VEPH1: variants seen among roughly 807,000 people sequenced by gnomAD.
VEPH1 encodes ventricular zone-expressed PH domain-containing protein homolog 1.
Under a neutral mutation model 85.2 loss-of-function variants are expected in VEPH1, and 80 were observed. That is an observed-to-expected ratio of 0.94 (90% CI 0.78 to 1.13). The LOEUF (loss-of-function observed/expected upper bound fraction) is 1.13. VEPH1 is among the 50% of genes most tolerant of loss of function. The pLI, the probability that VEPH1 is intolerant of heterozygous loss-of-function variation, is 0.00. For synonymous variants in VEPH1, 297 were observed against 348.0 expected (o/e 0.85, Z 1.63); for missense variants, 955 against 980.5 (o/e 0.97, Z 0.35).
At chr3:157,437,464 C>G in intron 4 of VEPH1, 3 of 1,565,568 alleles carry the variant, frequency 1.9e-6, no homozygotes, top group South Asian at 2.3e-5. Flanking sequence ...AAAGCACATC[C>G]AAGGCAGGCC....
chr3:157,432,460 A>G (rs906784205), intron 4 of VEPH1, among the ~76,000 whole-genome samples: 6 of 152,096 alleles, frequency 3.9e-5, no homozygotes, highest in East Asian at 1.9e-4. Context: ...GTTGTCTTCA[A>G]TCTGTCTGGA....
At position 157,369,192 on chromosome 3, in the gene VEPH1, A is replaced by AAC. The variant is rs1170711720; in HGVS notation, c.1128-4681_1128-4680insGT. ...ACAAAAACCAAATGAAAAAAAAAAA[A>AAC]AAAAAAAAAAAACCTCCTGAGGTCT... On this transcript the variant is annotated intron_variant, in intron 7 of 13. Transcript: ENST00000362010. Among the ~76,000 whole-genome samples, 9 of 142,782 alleles carry AAC rather than the reference A, an allele frequency of 6.3e-5. No homozygotes were observed. The South Asian group carries it at 7.3e-4, about 12-fold the overall frequency. The allele number at this position is 142,782 out of a possible 152,430, so 93.7% of individuals were successfully genotyped here.
intron 11 of VEPH1, among the ~76,000 whole-genome samples, chr3:157,303,200 T>G (rs1356238110): frequency 6.6e-6 from 1 of 152,214 alleles, no homozygotes; most frequent in East Asian, 1.9e-4. Flanking sequence ...TGCAAATTGT[T>G]CTCATTGCCA....
chr3:157,360,178 G>T (rs369554044), intron 9 of VEPH1, among the ~76,000 whole-genome samples: 1 of 152,250 alleles, frequency 6.6e-6, no homozygotes. Flanking sequence ...ATGACTGCTG[G>T]TGTGTCACTG....
intron 13 of VEPH1, among the ~76,000 whole-genome samples, chr3:157,263,463 T>A (rs1364724537): frequency 6.6e-6 from 1 of 152,162 alleles, no homozygotes; most frequent in Non-Finnish European, 1.5e-5. Flanking sequence ...TCTTAAGGGA[T>A]CTGGAAAATT....
intron 4 of VEPH1, among the ~76,000 whole-genome samples, chr3:157,454,096 TCTGA>T (rs1300798718): frequency 6.6e-6 from 1 of 152,146 alleles, no homozygotes; most frequent in South Asian, 2.1e-4. Flanking sequence ...TATTTGCAAG[TCTGA>T]CTATCATGGT....
At chr3:157,495,115 C>G in intron 2 of VEPH1, 97 bp downstream of exon 2, 1 of 1,275,718 alleles carries the variant, frequency 7.8e-7, no homozygotes, top group African/African-American at 1.5e-5. Flanking sequence ...GGTATTTCCT[C>G]TTTCCCCTGC....
At chr3:157,360,329 A>T (rs1378237794) in intron 9 of VEPH1, among the ~76,000 whole-genome samples, 1 of 152,206 alleles carries the variant, frequency 6.6e-6, no homozygotes, top group African/African-American at 2.4e-5. Flanking sequence ...TTGCCCAGGA[A>T]ATTCCGAGAG....
At chr3:157,420,803 G>T (rs1030568992) in intron 5 of VEPH1, among the ~76,000 whole-genome samples, 1 of 152,182 alleles carries the variant, frequency 6.6e-6, no homozygotes, top group Non-Finnish European at 1.5e-5. Flanking sequence ...TCACCGGAAG[G>T]CTTCCCTTGC....
chr3:157,333,249 C>T (rs1282765353), intron 9 of VEPH1, among the ~76,000 whole-genome samples: 1 of 152,138 alleles, frequency 6.6e-6, no homozygotes, highest in Non-Finnish European at 1.5e-5. Flanking sequence ...ATGCACCTTC[C>T]AATAAGTGAT....
At chr3:157,397,592 T>G (rs917406828) in intron 6 of VEPH1, among the ~76,000 whole-genome samples, 1 of 152,222 alleles carries the variant, frequency 6.6e-6, no homozygotes, top group Non-Finnish European at 1.5e-5. Flanking sequence ...CTCTCTGATT[T>G]CCTTGAACAG....
intron 6 of VEPH1, among the ~76,000 whole-genome samples, chr3:157,386,772 G>A (rs769248491): frequency 6.6e-6 from 1 of 152,198 alleles, no homozygotes; most frequent in Non-Finnish European, 1.5e-5. Flanking sequence ...ATATGACTAC[G>A]AGTACAGTGT....
chr3:157,405,426 G>C (rs542126072), intron 6 of VEPH1, among the ~76,000 whole-genome samples: 4 of 152,166 alleles, frequency 2.6e-5, no homozygotes, highest in Non-Finnish European at 4.4e-5. Flanking sequence ...CACTATGAAG[G>C]GAAATAAAGT....
At chr3:157,369,753 A>G (rs961000937) in intron 7 of VEPH1, among the ~76,000 whole-genome samples, 2 of 152,212 alleles carry the variant, frequency 1.3e-5, no homozygotes, top group Non-Finnish European at 2.9e-5. Flanking sequence ...TTTAATATAA[A>G]AAGATAGAAG....
chr3:157,417,872 T>C (rs756056747), intron 5 of VEPH1, among the ~76,000 whole-genome samples: 15 of 152,166 alleles, frequency 9.9e-5, no homozygotes, highest in Non-Finnish European at 1.5e-4. Context: ...TTGATTTGAA[T>C]TTAGAATGTT....
intron 2 of VEPH1, among the ~76,000 whole-genome samples, chr3:157,480,084 GTCTC>G (rs10651809): frequency 2.4e-4 from 31 of 129,880 alleles, no homozygotes; most frequent in Admixed American, 6.2e-4. Flanking sequence ...CTTTCTTTCT[GTCTC>G]TCTCTCTCTC....
chr3:157,267,829 A>G (rs546037224), intron 12 of VEPH1, among the ~76,000 whole-genome samples: 1 of 152,296 alleles, frequency 6.6e-6, no homozygotes, highest in East Asian at 1.9e-4. Flanking sequence ...AGATAGTGAT[A>G]AGGACTATGA....
intron 6 of VEPH1, among the ~76,000 whole-genome samples, chr3:157,387,491 C>G (rs1729424997): frequency 6.6e-6 from 1 of 152,078 alleles, no homozygotes; most frequent in Non-Finnish European, 1.5e-5. Context: ...AGTGGCAGAG[C>G]CAATATTAAA....
At chr3:157,447,324 T>C (rs933837320) in intron 4 of VEPH1, among the ~76,000 whole-genome samples, 7 of 152,120 alleles carry the variant, frequency 4.6e-5, no homozygotes, top group African/African-American at 1.5e-4. Context: ...GACGTCTCTA[T>C]TCCTTGATCC....
Sources: allele counts gnomAD v4.1 joint callset (sites outside exome capture counted in the v4.1 genomes callset), GRCh38; gene constraint gnomAD v4.1.1; transcripts MANE v1.5; gene names NCBI Gene and HGNC (gene_info 2026-07-23, HGNC 2026-07-21).